Variants in NELL1 observed in about 807,000 individuals in gnomAD.
NELL1 encodes neural EGFL like 1.
In NELL1, 76 loss-of-function variants were observed where a neutral mutation model predicts 107.4. The ratio of observed to expected loss-of-function variants is 0.71; its 90% CI spans 0.59 to 0.86. NELL1 has a LOEUF of 0.86. NELL1 is among the 40% of genes least tolerant of loss of function. The pLI is 0.00. For missense variants in NELL1, 1,024 were observed against 1,005.5 expected (o/e 1.02, Z -0.25); for synonymous variants, 353 against 341.2 (o/e 1.03, Z -0.38).
At chr11:21,330,613 A>G (rs1385752834) in intron 14 of NELL1, among the ~76,000 whole-genome samples, 1 of 151,924 alleles carries the variant, frequency 6.6e-6, no homozygotes, top group Non-Finnish European at 1.5e-5. Flanking sequence ...GGATTCTTTT[A>G]TGTATAATAA....
At chr11:20,727,140 C>T (rs375184668) in intron 2 of NELL1, among the ~76,000 whole-genome samples, 4 of 152,098 alleles carry the variant, frequency 2.6e-5, no homozygotes, top group Non-Finnish European at 5.9e-5. Context: ...TCAAATGGTA[C>T]TTCTAGTTCT....
In NELL1 at chr11:20,979,719, T is replaced by C. The variant is rs61319142; in HGVS notation, c.1300+19159T>C. The stretch of plus-strand genomic sequence containing the variant: ...CTCTTAGAGTGATAGGCCGTGTTCA[T>C]TGTTGAATTTCTTCTTGGTGACTAG... On this transcript the variant is annotated intron_variant, in intron 12 of 19. Coordinates refer to ENST00000357134, the MANE Select transcript of NELL1 (RefSeq NM_006157.5). 5.6e-3 allele frequency among the ~76,000 whole-genome samples: 849 copies of C among 152,308 alleles called. 12 individuals carry two copies. The highest frequency in any genetic ancestry group is 0.019 in the African/African-American group (805 of 41,564).
chr11:20,853,472 C>T (rs775693448), intron 4 of NELL1, among the ~76,000 whole-genome samples: 2 of 152,126 alleles, frequency 1.3e-5, no homozygotes, highest in African/African-American at 2.4e-5. Flanking sequence ...CCAGAAACTG[C>T]GCTTGCATCT....
At chr11:21,004,062 T>C (rs1852279474) in intron 12 of NELL1, among the ~76,000 whole-genome samples, 1 of 152,162 alleles carries the variant, frequency 6.6e-6, no homozygotes, top group Non-Finnish European at 1.5e-5. Context: ...GCATCACTAA[T>C]GCCCTTTGAT....
At chr11:21,425,857 A>G (rs1278838208) in intron 15 of NELL1, among the ~76,000 whole-genome samples, 1 of 152,228 alleles carries the variant, frequency 6.6e-6, no homozygotes, top group Non-Finnish European at 1.5e-5. Context: ...AAGTATCTTC[A>G]TTTTCCAAAC....
rs1848721491 is a variant in NELL1, at chr11:20,847,531, G to A, written c.336-52G>A. ...GTAAGGGGTTGAGGGATTGATGATG[G>A]CTGTGATATCCAGAACTAAAATAAA... On this transcript the variant is annotated intron_variant, in intron 3 of 19. Coordinates refer to ENST00000357134, the MANE Select transcript of NELL1 (RefSeq NM_006157.5). 3.2e-6 allele frequency: 5 copies of A among 1,558,028 alleles called. No homozygotes were observed. The South Asian group carries it at 6.0e-5, about 19-fold the overall frequency.
chr11:21,060,249 C>G (rs1482991556), intron 12 of NELL1, among the ~76,000 whole-genome samples: 1 of 152,158 alleles, frequency 6.6e-6, no homozygotes, highest in Non-Finnish European at 1.5e-5. Context: ...GGACACTGGG[C>G]AAGTCACTTA....
intron 8 of NELL1, among the ~76,000 whole-genome samples, chr11:20,928,130 A>G (rs752611895): frequency 2.0e-5 from 3 of 152,216 alleles, no homozygotes; most frequent in Non-Finnish European, 4.4e-5. Context: ...TGTTTTCTGC[A>G]TAATCTAGTT....
intron 13 of NELL1, among the ~76,000 whole-genome samples, chr11:21,179,609 T>C (rs1177988195): frequency 6.6e-6 from 1 of 151,870 alleles, no homozygotes; most frequent in African/African-American, 2.4e-5. Flanking sequence ...TTAACATCTA[T>C]TGGCTAAATC....
intron 2 of NELL1, among the ~76,000 whole-genome samples, chr11:20,755,559 T>TATTTTTTTATTTTTTTTA (rs1554914196): frequency 1.1e-4 from 2 of 17,686 alleles, no homozygotes; most frequent in African/African-American, 2.1e-4. Flanking sequence ...TGTTTTTGTT[T>TATTTTTTTATTTTTTTTA]TTGTTTTTTT....
At chr11:21,310,931 A>G (rs1004075524) in intron 14 of NELL1, among the ~76,000 whole-genome samples, 4 of 152,088 alleles carry the variant, frequency 2.6e-5, no homozygotes, top group Admixed American at 1.3e-4. Context: ...ATTTGAATAT[A>G]ATCTGTCATT....
At chr11:21,352,242 T>C (rs1207246975) in intron 14 of NELL1, among the ~76,000 whole-genome samples, 4 of 152,218 alleles carry the variant, frequency 2.6e-5, no homozygotes, top group Admixed American at 6.6e-5. Flanking sequence ...TTTTCCCGTA[T>C]CGCTTACTAT....
At position 20,928,489 on chromosome 11, in the gene NELL1, G is replaced by A. The variant is rs1220985875; in HGVS notation, c.997+10G>A. ...TGTAAGGTCTGCCGACGTAAGTACTGACTGAGGGTCAGACTGGCTGTCTGT... is the reference window on the plus strand; with the variant it reads ...TGTAAGGTCTGCCGACGTAAGTACTAACTGAGGGTCAGACTGGCTGTCTGT... On this transcript the variant is annotated intron_variant, in intron 9 of 19. Transcript: ENST00000357134. The A allele has an allele frequency of 6.2e-7, 1 of 1,603,700 alleles. No homozygotes were observed. The highest frequency in any genetic ancestry group is 8.5e-7 in the Non-Finnish European group (1 of 1,170,700).
chr11:21,178,673 A>G (rs1856760566), intron 13 of NELL1, among the ~76,000 whole-genome samples: 1 of 151,446 alleles, frequency 6.6e-6, no homozygotes, highest in Non-Finnish European at 1.5e-5. Context: ...CGGAGATGAG[A>G]GGATGGCCTG....
At chr11:20,725,314 C>G in intron 2 of NELL1, among the ~76,000 whole-genome samples, 1 of 152,244 alleles carries the variant, frequency 6.6e-6, no homozygotes, top group East Asian at 1.9e-4. Context: ...GCCTGGATGC[C>G]ATATGAGTTC....
chr11:21,444,363 G>C (rs937223417), intron 15 of NELL1, among the ~76,000 whole-genome samples: 1 of 151,992 alleles, frequency 6.6e-6, no homozygotes, highest in Non-Finnish European at 1.5e-5. Context: ...TTCTGGAAGT[G>C]AAATTATTTC....
At chr11:21,567,133 T>C (rs1856990667) in intron 17 of NELL1, among the ~76,000 whole-genome samples, 2 of 151,856 alleles carry the variant, frequency 1.3e-5, no homozygotes, top group South Asian at 4.1e-4. Flanking sequence ...TGCTGGTTCC[T>C]AAGGCATGAT....
At chr11:21,316,290 T>G (rs1403376143) in intron 14 of NELL1, among the ~76,000 whole-genome samples, 1 of 152,140 alleles carries the variant, frequency 6.6e-6, no homozygotes, top group Non-Finnish European at 1.5e-5. Context: ...CGTCAAAGCT[T>G]TTTTAAAACA....
intron 12 of NELL1, among the ~76,000 whole-genome samples, chr11:21,087,391 A>G (rs1854420684): frequency 6.6e-6 from 1 of 152,174 alleles, no homozygotes; most frequent in African/African-American, 2.4e-5. Context: ...TGAAAAGAAA[A>G]AAAAAAATAT....
Sources: gnomAD v4.1 joint callset for allele counts (sites outside exome capture counted in the v4.1 genomes callset) on GRCh38, gnomAD v4.1.1 for gene constraint, MANE v1.5 for transcripts, NCBI Gene and HGNC (gene_info 2026-07-23, HGNC 2026-07-21) for gene names.